SPARCL1: variants seen among roughly 807,000 people sequenced by gnomAD.
SPARCL1 encodes SPARC-like protein 1.
Under a neutral mutation model 67.1 loss-of-function variants are expected in SPARCL1, and 52 were observed. The observed-to-expected ratio is 0.78, with a 90% CI of 0.62 to 0.98. SPARCL1 has a LOEUF of 0.98. Ranked by LOEUF, SPARCL1 falls within the 50% of genes least tolerant of loss-of-function variation. The pLI is 0.00. For synonymous variants in SPARCL1, 226 were observed against 267.8 expected, an observed-to-expected ratio of 0.84 and a Z score of 1.52; for missense variants, 717 against 782.4, an observed-to-expected ratio of 0.92 and a Z score of 1.00.
chr4:87,488,308 T>C (rs1252383560), intron 7 of SPARCL1, among the ~76,000 whole-genome samples: 1 of 152,230 alleles, frequency 6.6e-6, no homozygotes, highest in Non-Finnish European at 1.5e-5. Flanking sequence ...TTGATGTTGA[T>C]GCTATTCCTT....
At chr4:87,476,125 G>A (rs1008438423) in intron 10 of SPARCL1, among the ~76,000 whole-genome samples, 1 of 152,062 alleles carries the variant, frequency 6.6e-6, no homozygotes, top group African/African-American at 2.4e-5. Context: ...AATGGAATTT[G>A]TCATTTACTC....
At chr4:87,501,507 A>T (rs4693819) in intron 1 of SPARCL1, among the ~76,000 whole-genome samples, 81,945 of 151,794 alleles carry the variant, frequency 0.54, 25,051 homozygotes, top group African/African-American at 0.82. Flanking sequence ...AGATTGGAGT[A>T]TTTTTTTCTC....
At position 87,479,498 on chromosome 4, in the gene SPARCL1, T is replaced by C; in HGVS notation, c.1898A>G (p.Glu633Gly). The C allele has an allele frequency of 1.2e-6, 2 of 1,614,112 alleles. No individual in the cohort carries two copies. Among genetic ancestry groups the C allele is most frequent in the Non-Finnish European group, 1.7e-6 (2 of 1,180,000 alleles). Residue 633 changes from glutamate (E) to glycine (G), a missense_variant, in exon 10 of 11, where the codon GAG becomes GGG. Transcript: ENST00000282470. ...GTGCTTATCCTTGTTGGGGTCACAC[T>C]CCTCAAAGAAACGGGTTATGCAGTG... ...MEHCITRFFE[E>G]CDPNKDKHIT... is the part of the protein sequence containing the mutation.
intron 1 of SPARCL1, among the ~76,000 whole-genome samples, chr4:87,527,907 G>C (rs1726116566): frequency 6.6e-6 from 1 of 151,990 alleles, no homozygotes; most frequent in Non-Finnish European, 1.5e-5. Flanking sequence ...CAACCATCAG[G>C]TTTGACTGAG....
intron 1 of SPARCL1, among the ~76,000 whole-genome samples, chr4:87,524,039 T>G (rs941477916): frequency 6.6e-6 from 1 of 152,260 alleles, no homozygotes; most frequent in Non-Finnish European, 1.5e-5. Context: ...GATAGAACAC[T>G]GAATACATTA....
At chr4:87,523,409 T>C (rs1177130706) in intron 1 of SPARCL1, among the ~76,000 whole-genome samples, 1 of 152,228 alleles carries the variant, frequency 6.6e-6, no homozygotes, top group Non-Finnish European at 1.5e-5. Context: ...TGGAATCACA[T>C]AGTTTTAGAA....
At chr4:87,502,124 A>G (rs1247070281) in intron 1 of SPARCL1, among the ~76,000 whole-genome samples, 1 of 152,132 alleles carries the variant, frequency 6.6e-6, no homozygotes, top group Non-Finnish European at 1.5e-5. Context: ...ATTAAAAAAA[A>G]TTATACCTTT....
intron 1 of SPARCL1, among the ~76,000 whole-genome samples, chr4:87,510,819 T>C (rs1396269661): frequency 6.6e-6 from 1 of 152,246 alleles, no homozygotes; most frequent in Non-Finnish European, 1.5e-5. Flanking sequence ...AAGGGCTCAC[T>C]GAGCTGATAA....
chr4:87,523,922 T>C (rs1256454798), intron 1 of SPARCL1, among the ~76,000 whole-genome samples: 1 of 152,196 alleles, frequency 6.6e-6, no homozygotes, highest in South Asian at 2.1e-4. Context: ...TTTTCATTAT[T>C]GTGATGGTTT....
intron 1 of SPARCL1, among the ~76,000 whole-genome samples, chr4:87,524,586 A>C (rs1394330653): frequency 6.6e-6 from 1 of 152,114 alleles, no homozygotes; most frequent in African/African-American, 2.4e-5. Flanking sequence ...ACCCCTACCT[A>C]GTTCTTATTT....
chr4:87,499,386 T>C, intron 2 of SPARCL1, 135 bp downstream of exon 2: 3 of 814,512 alleles, frequency 3.7e-6, no homozygotes, highest in Non-Finnish European at 5.8e-6. Context: ...TGTTTGTTAC[T>C]TGGGCAATAA....
chr4:87,490,924 G>T, intron 5 of SPARCL1, 46 bp from the exon 6 acceptor site: 1 of 1,120,276 alleles, frequency 8.9e-7, no homozygotes, highest in Non-Finnish European at 1.3e-6. Flanking sequence ...GTTAAATTGA[G>T]TATGTAAATA....
intron 8 of SPARCL1, among the ~76,000 whole-genome samples, chr4:87,481,673 C>T (rs1334920504): frequency 1.3e-5 from 2 of 152,216 alleles, no homozygotes; most frequent in Admixed American, 6.5e-5. Flanking sequence ...TTTGTCTTCA[C>T]ACCATGTTTA....
chr4:87,527,658 CA>C (rs1349645046), intron 1 of SPARCL1, among the ~76,000 whole-genome samples: 8 of 152,222 alleles, frequency 5.3e-5, no homozygotes, highest in African/African-American at 1.9e-4. Context: ...GAAATGCCAG[CA>C]CTCTAATTGC....
intron 2 of SPARCL1, among the ~76,000 whole-genome samples, chr4:87,496,590 A>C (rs983185328): frequency 6.6e-6 from 1 of 152,224 alleles, no homozygotes; most frequent in East Asian, 1.9e-4. Context: ...ATATCAAAAT[A>C]AGATTATGTA....
At chr4:87,500,125 T>C (rs4693818) in intron 1 of SPARCL1, among the ~76,000 whole-genome samples, 130,919 of 152,166 alleles carry the variant, frequency 0.86, 56,760 homozygotes, top group East Asian at 0.97. Context: ...CATTTTAAAC[T>C]AGTATTTTAA....
chr4:87,496,454 A>T (rs751051200), intron 2 of SPARCL1, among the ~76,000 whole-genome samples: 1 of 152,082 alleles, frequency 6.6e-6, no homozygotes, highest in Non-Finnish European at 1.5e-5. Flanking sequence ...TCTGAACTCA[A>T]GCAATCTTCC....
At position 87,482,480 on chromosome 4, in the gene SPARCL1, G is replaced by C; in HGVS notation, c.1612C>G (p.Leu538Val). The change falls in exon 8 of 11, where the codon CTT becomes GTT. Residue 538 changes from leucine (L) to valine (V), a missense_variant. Coordinates refer to ENST00000282470, the MANE Select transcript of SPARCL1 (RefSeq NM_004684.6). ...RDWLKNILMQLYEANSEHAGY... is the reference protein window; with the variant it reads ...RDWLKNILMQVYEANSEHAGY... ...GCGTGTTCAGAGTTGGCTTCATAAA[G>C]CTGCATGAGGATATTCTTGAGCCAG... The C allele has an allele frequency of 6.2e-7, 1 of 1,613,996 alleles. No homozygotes were observed. The highest frequency in any genetic ancestry group is 8.5e-7 in the Non-Finnish European group (1 of 1,179,938).
At chr4:87,524,763 G>T (rs1485425799) in intron 1 of SPARCL1, among the ~76,000 whole-genome samples, 1 of 152,204 alleles carries the variant, frequency 6.6e-6, no homozygotes, top group Non-Finnish European at 1.5e-5. Flanking sequence ...TACGAAGTGA[G>T]CAGCAGGACC....
Sources: allele counts gnomAD v4.1 joint callset (sites outside exome capture counted in the v4.1 genomes callset), GRCh38; gene constraint gnomAD v4.1.1; transcripts MANE v1.5; gene names NCBI Gene and HGNC (gene_info 2026-07-23, HGNC 2026-07-21).